Variants in FAT3 observed in about 807,000 individuals in gnomAD.
FAT3 encodes the protein FAT atypical cadherin 3, also known as protocadherin Fat 3.
In FAT3, 95 loss-of-function variants were observed where a neutral mutation model predicts 310.2. That is an observed-to-expected ratio of 0.31 (90% confidence interval 0.26 to 0.36). The LOEUF (loss-of-function observed/expected upper bound fraction) is 0.36. Ranked by LOEUF, FAT3 falls within the 10% of genes least tolerant of loss-of-function variation. The probability of loss-of-function intolerance (pLI) is 1.00; values close to 1 mark genes in which losing one functional copy is unlikely to be tolerated. For missense variants in FAT3, 5,408 were observed against 5,715.6 expected, an observed-to-expected ratio of 0.95 and a Z score of 1.74; for synonymous variants, 2,314 against 2,192.9, an observed-to-expected ratio of 1.06 and a Z score of -1.54.
chr11:92,426,946 A>C (rs1367353017), intron 2 of FAT3, among the ~76,000 whole-genome samples: 1 of 152,194 alleles, frequency 6.6e-6, no homozygotes, highest in Non-Finnish European at 1.5e-5. Context: ...TATAGCATTG[A>C]ACCTATAAAT....
At chr11:92,359,476 T>C (rs962603933) in intron 2 of FAT3, among the ~76,000 whole-genome samples, 4 of 152,192 alleles carry the variant, frequency 2.6e-5, no homozygotes, top group Admixed American at 6.5e-5. Context: ...TGTTCTTGAC[T>C]TTCTTTTTTT....
intron 1 of FAT3, among the ~76,000 whole-genome samples, chr11:92,265,416 C>G (rs1209679723): frequency 6.6e-6 from 1 of 151,884 alleles, no homozygotes; most frequent in Non-Finnish European, 1.5e-5. Flanking sequence ...GGGAAGACGT[C>G]TTTTTCTGTC....
At chr11:92,326,752 G>A (rs1348373262) in intron 1 of FAT3, among the ~76,000 whole-genome samples, 5 of 152,142 alleles carry the variant, frequency 3.3e-5, no homozygotes, top group Admixed American at 3.3e-4. Flanking sequence ...GAGGAACCCA[G>A]CCTCTATCCC....
chr11:92,482,622 T>G (rs1952260886), intron 2 of FAT3, among the ~76,000 whole-genome samples: 1 of 152,148 alleles, frequency 6.6e-6, no homozygotes, highest in Non-Finnish European at 1.5e-5. Flanking sequence ...ATCCACATGC[T>G]TTCTCTTTTC....
intron 4 of FAT3, among the ~76,000 whole-genome samples, chr11:92,705,996 G>T (rs866412544): frequency 0.032 from 4,924 of 151,546 alleles, 105 homozygotes; most frequent in Non-Finnish European, 0.051. Flanking sequence ...TGATGGTGGT[G>T]GTGGTGGTGG....
intron 2 of FAT3, among the ~76,000 whole-genome samples, chr11:92,421,547 A>G (rs1950534057): frequency 6.6e-6 from 1 of 152,194 alleles, no homozygotes; most frequent in Non-Finnish European, 1.5e-5. Context: ...GTGTGCTTAC[A>G]TGGATTTATG....
At chr11:92,271,573 A>C (rs1365014177) in intron 1 of FAT3, among the ~76,000 whole-genome samples, 3 of 152,156 alleles carry the variant, frequency 2.0e-5, no homozygotes, top group African/African-American at 7.2e-5. Context: ...CCTTAAGGGT[A>C]GGAAATCTGT....
chr11:92,823,746 G>A (rs1176329794), intron 13 of FAT3, among the ~76,000 whole-genome samples: 1 of 152,154 alleles, frequency 6.6e-6, no homozygotes, highest in East Asian at 1.9e-4. Context: ...GACCCCAGGA[G>A]CTGGTATTCT....
intron 4 of FAT3, among the ~76,000 whole-genome samples, chr11:92,754,302 T>C (rs987885858): frequency 6.6e-6 from 1 of 151,958 alleles, no homozygotes; most frequent in Non-Finnish European, 1.5e-5. Context: ...TTTGTATATA[T>C]ACACAATGGA....
Position 92,348,907 on chromosome 11 carries a change from G to T in FAT3, c.-17-3189G>T, listed in dbSNP as rs996205122. Among the ~76,000 whole-genome samples, 3 of 152,088 alleles carry T rather than the reference G, an allele frequency of 2.0e-5. No homozygotes were observed. In the South Asian group the frequency reaches 6.2e-4, roughly 32 times the overall value. ...GGCCTCTGGTTACATTAGTACTTAG[G>T]GTTCTGTTCAACAAACCAGTGTTGT... On this transcript the variant is annotated intron_variant, in intron 1 of 27. Coordinates refer to ENST00000525166, the MANE Select transcript of FAT3 (RefSeq NM_001367949.2).
chr11:92,314,047 CA>C (rs1435936481), intron 1 of FAT3, among the ~76,000 whole-genome samples: 2 of 152,186 alleles, frequency 1.3e-5, no homozygotes, highest in African/African-American at 4.8e-5. Flanking sequence ...TGAATGTGGT[CA>C]ACTTAGCCTG....
At chr11:92,311,252 AG>A (rs1295314335) in intron 1 of FAT3, among the ~76,000 whole-genome samples, 3 of 152,250 alleles carry the variant, frequency 2.0e-5, no homozygotes, top group East Asian at 3.9e-4. Flanking sequence ...AAACCAACTG[AG>A]CTTTATTGAA....
rs11020060 is a variant in FAT3, at chr11:92,797,604, A to T, written c.4823-232A>T. The stretch of plus-strand genomic sequence containing the variant: ...CATTGTCATTGTGTTTTTAACCTGG[A>T]TCTAGAAGTTACTGATCTGAAATTT... On this transcript the variant is annotated intron_variant, in intron 9 of 27. Transcript: ENST00000525166. 0.42 allele frequency among the ~76,000 whole-genome samples: 63,645 copies of T among 152,016 alleles called. 15,269 individuals are homozygous for T. Among genetic ancestry groups the T allele is most frequent in the South Asian group, 0.64 (3,071 of 4,808 alleles).
intron 3 of FAT3, among the ~76,000 whole-genome samples, chr11:92,605,064 T>C (rs1002944979): frequency 2.0e-5 from 3 of 152,184 alleles, no homozygotes; most frequent in Admixed American, 1.3e-4. Flanking sequence ...TGTGTCCTGA[T>C]GAAGCCTTCC....
At chr11:92,401,306 G>A (rs1565287340) in intron 2 of FAT3, among the ~76,000 whole-genome samples, 2 of 152,100 alleles carry the variant, frequency 1.3e-5, no homozygotes, top group African/African-American at 4.8e-5. Flanking sequence ...CTCAGTAAGA[G>A]GACCCTCATG....
At chr11:92,764,005 T>C (rs10765559) in intron 5 of FAT3, among the ~76,000 whole-genome samples, 127,791 of 152,138 alleles carry the variant, frequency 0.84, 53,817 homozygotes, top group East Asian at 0.94. Flanking sequence ...ATTTTTTAAA[T>C]GTAATACTTG....
intron 2 of FAT3, among the ~76,000 whole-genome samples, chr11:92,451,506 A>T (rs1205354674): frequency 1.3e-5 from 2 of 152,198 alleles, no homozygotes; most frequent in East Asian, 3.8e-4. Context: ...AGCAGCCAGC[A>T]TTCCCCAGAG....
intron 2 of FAT3, among the ~76,000 whole-genome samples, chr11:92,510,855 T>C (rs899232784): frequency 2.0e-5 from 3 of 152,222 alleles, no homozygotes; most frequent in Non-Finnish European, 4.4e-5. Context: ...TCTCAACAAC[T>C]GTGTTGTGGG....
At chr11:92,267,997 G>A (rs533333419) in intron 1 of FAT3, among the ~76,000 whole-genome samples, 4 of 149,950 alleles carry the variant, frequency 2.7e-5, no homozygotes, top group Admixed American at 6.7e-5. Context: ...TACATTACCA[G>A]CATTATAGGC....
Sources: gnomAD v4.1 joint callset for allele counts (sites outside exome capture counted in the v4.1 genomes callset) on GRCh38, gnomAD v4.1.1 for gene constraint, MANE v1.5 for transcripts, NCBI Gene and HGNC (gene_info 2026-07-23, HGNC 2026-07-21) for gene names.